Variants in BMP2K observed in about 807,000 individuals in gnomAD.
BMP2K encodes the protein BMP2 inducible kinase, also known as BMP-2-inducible protein kinase.
BMP2K carries 74 observed loss-of-function variants against 116.0 expected under a neutral mutation model. That is an observed-to-expected ratio of 0.64 (90% confidence interval 0.53 to 0.77). The LOEUF is 0.77. BMP2K is among the 30% of genes least tolerant of loss of function. The pLI is 0.00. For missense variants in BMP2K, 1,365 were observed against 1,403.6 expected, an observed-to-expected ratio of 0.97 and a Z score of 0.44; for synonymous variants, 486 against 502.5, an observed-to-expected ratio of 0.97 and a Z score of 0.44.
In BMP2K at chr4:78,823,565, T is replaced by G. The variant is rs868453012; in HGVS notation, c.179-2472T>G. 1.7e-4 allele frequency among the ~76,000 whole-genome samples: 25 copies of G among 145,912 alleles called. 1 individual carries two copies. The highest frequency in any genetic ancestry group is 6.1e-4 in the African/African-American group (24 of 39,296). On this transcript the variant is annotated intron_variant, in intron 1 of 15. Coordinates refer to ENST00000502613, the MANE Select transcript of BMP2K (RefSeq NM_198892.2). ...ATATATATAGTTATATATAGTTATA[T>G]AGTTATATATAGTTATATATAGGTA...
At chr4:78,800,269 T>G (rs1056472057) in intron 1 of BMP2K, among the ~76,000 whole-genome samples, 1 of 152,176 alleles carries the variant, frequency 6.6e-6, no homozygotes, top group Non-Finnish European at 1.5e-5. Context: ...ATCCTCCCCT[T>G]CTGAAGTAAT....
chr4:78,879,045 A>G (rs1732774526), intron 14 of BMP2K, 154 bp downstream of exon 14: 1 of 1,422,070 alleles, frequency 7.0e-7, no homozygotes, highest in Non-Finnish European at 9.2e-7. Context: ...ATATACTATC[A>G]AATTATGTTG....
At chr4:78,793,840 A>C (rs964216645) in intron 1 of BMP2K, among the ~76,000 whole-genome samples, 2 of 152,052 alleles carry the variant, frequency 1.3e-5, no homozygotes, top group African/African-American at 2.4e-5. Context: ...TGGGTCAAAA[A>C]TGTATTATTA....
At chr4:78,850,261 A>G (rs943841594) in intron 6 of BMP2K, among the ~76,000 whole-genome samples, 1 of 151,846 alleles carries the variant, frequency 6.6e-6, no homozygotes, top group African/African-American at 2.4e-5. Flanking sequence ...CCTCATTGTC[A>G]GCAAGTAGAT....
intron 7 of BMP2K, among the ~76,000 whole-genome samples, chr4:78,852,359 C>T (rs752182973): frequency 2.6e-5 from 4 of 151,928 alleles, no homozygotes; most frequent in Non-Finnish European, 4.4e-5. Flanking sequence ...TGTATTATGT[C>T]TTTGAACTTA....
chr4:78,781,028 G>A (rs941153818), intron 1 of BMP2K, among the ~76,000 whole-genome samples: 2 of 152,124 alleles, frequency 1.3e-5, no homozygotes, highest in Admixed American at 1.3e-4. Context: ...TCTGTGTGAG[G>A]GAAGGAAGTT....
At chr4:78,877,133 G>A (rs982365462) in intron 13 of BMP2K, among the ~76,000 whole-genome samples, 1 of 152,060 alleles carries the variant, frequency 6.6e-6, no homozygotes, top group Non-Finnish European at 1.5e-5. Context: ...TGAGTGAGTC[G>A]TGAGTGAACG....
At position 78,851,321 on chromosome 4, in the gene BMP2K, C is replaced by T. The variant is rs573566088; in HGVS notation, c.883+265C>T. Among the ~76,000 whole-genome samples the T allele has an allele frequency of 2.5e-3, 373 of 152,140 alleles. 2 individuals carry two copies. The highest frequency in any genetic ancestry group is 3.3e-3 in the Non-Finnish European group (225 of 67,948). Reference sequence around the variant, plus strand: ...GGATAATGTCAGAAGGGCTAGTCTTCGAGAGGCCCTCGATTTCAAAAGAAT... The same window carrying T: ...GGATAATGTCAGAAGGGCTAGTCTTTGAGAGGCCCTCGATTTCAAAAGAAT... On this transcript the variant is annotated intron_variant, in intron 7 of 15. Transcript: ENST00000502613.
intron 6 of BMP2K, 116 bp from the exon 7 acceptor site, chr4:78,850,807 TA>T: frequency 1.1e-6 from 1 of 950,924 alleles, no homozygotes; most frequent in Non-Finnish European, 1.5e-6. Flanking sequence ...AAATAATTTG[TA>T]AAAAGATTGC....
At chr4:78,798,509 T>C (rs1728407717) in intron 1 of BMP2K, among the ~76,000 whole-genome samples, 1 of 152,246 alleles carries the variant, frequency 6.6e-6, no homozygotes, top group Non-Finnish European at 1.5e-5. Context: ...GAAAACAATT[T>C]GTTCTTAGAA....
intron 15 of BMP2K, among the ~76,000 whole-genome samples, chr4:78,890,917 G>A (rs1330437847): frequency 1.3e-5 from 2 of 152,160 alleles, no homozygotes; most frequent in East Asian, 3.8e-4. Flanking sequence ...TGCCTAGGCT[G>A]GGTGGGGTGG....
chr4:78,803,266 C>A (rs560302341), intron 1 of BMP2K, among the ~76,000 whole-genome samples: 28 of 152,026 alleles, frequency 1.8e-4, no homozygotes, highest in Admixed American at 9.8e-4. Flanking sequence ...TTGGTAACTT[C>A]TTTAATGTCT....
At chr4:78,793,535 G>A (rs1296837843) in intron 1 of BMP2K, among the ~76,000 whole-genome samples, 3 of 151,972 alleles carry the variant, frequency 2.0e-5, no homozygotes, top group Non-Finnish European at 1.5e-5. Flanking sequence ...ACCCATGTAA[G>A]CAGAAGCACT....
intron 3 of BMP2K, among the ~76,000 whole-genome samples, chr4:78,841,199 C>T (rs1730742957): frequency 6.6e-6 from 1 of 152,162 alleles, no homozygotes; most frequent in South Asian, 2.1e-4. Flanking sequence ...ATAAAAGGAA[C>T]AAGTTTATAT....
At chr4:78,868,726 C>A (rs1204335621) in intron 10 of BMP2K, among the ~76,000 whole-genome samples, 1 of 152,124 alleles carries the variant, frequency 6.6e-6, no homozygotes, top group African/African-American at 2.4e-5. Flanking sequence ...AGCGCCCATA[C>A]AAGTCTGAAA....
At position 78,805,875 on chromosome 4, in the gene BMP2K, A is replaced by G. The variant is rs540522374; in HGVS notation, c.179-20162A>G. On this transcript the variant is annotated intron_variant, in intron 1 of 15. Coordinates refer to ENST00000502613, the MANE Select transcript of BMP2K (RefSeq NM_198892.2). Reference sequence around the variant, plus strand: ...AGTTCCAGCTAATTGGGAGGCTGAGACAGGAGAATCACTTGAATCCGGGAG... The same window carrying G: ...AGTTCCAGCTAATTGGGAGGCTGAGGCAGGAGAATCACTTGAATCCGGGAG... 2.6e-3 allele frequency among the ~76,000 whole-genome samples: 400 copies of G among 152,250 alleles called. 1 individual carries two copies. Among genetic ancestry groups the G allele is most frequent in the Non-Finnish European group, 4.4e-3 (301 of 68,006 alleles).
intron 15 of BMP2K, chr4:78,898,804 T>C (rs1733847215): frequency 6.6e-6 from 1 of 152,056 alleles, no homozygotes; most frequent in African/African-American, 2.4e-5. Context: ...GAAATAAACC[T>C]ATTGCTTCAC....
intron 11 of BMP2K, 69 bp from the exon 12 acceptor site, chr4:78,871,781 C>T (rs1196736468): frequency 1.0e-6 from 1 of 978,478 alleles, no homozygotes; most frequent in Non-Finnish European, 1.6e-6. Flanking sequence ...ATGGTAAGAT[C>T]AATACTTTAA....
intron 12 of BMP2K, 48 bp from the exon 13 acceptor site, chr4:78,872,566 G>C: frequency 6.4e-7 from 1 of 1,554,664 alleles, no homozygotes; most frequent in Non-Finnish European, 8.8e-7. Context: ...TGCTGACAGT[G>C]CTTTAGGACT....
Sources: allele counts gnomAD v4.1 joint callset (sites outside exome capture counted in the v4.1 genomes callset), GRCh38; gene constraint gnomAD v4.1.1; transcripts MANE v1.5; gene names NCBI Gene and HGNC (gene_info 2026-07-23, HGNC 2026-07-21).